ADD2: variants seen among roughly 807,000 people sequenced by gnomAD.
ADD2 encodes the protein adducin 2, also known as beta-adducin.
A neutral mutation model predicts 83.0 loss-of-function variants in ADD2; 23 were observed. The ratio of observed to expected loss-of-function variants is 0.28; its 90% confidence interval spans 0.20 to 0.39. The LOEUF is 0.39. Ranked by LOEUF, ADD2 falls within the 10% of genes least tolerant of loss-of-function variation. The probability of loss-of-function intolerance (pLI) is 1.00; values close to 1 mark genes in which losing one functional copy is unlikely to be tolerated. For missense variants in ADD2, 758 were observed against 944.9 expected, an observed-to-expected ratio of 0.80 and a Z score of 2.59; for synonymous variants, 375 against 375.4, an observed-to-expected ratio of 1.00 and a Z score of 0.01.
At chr2:70,731,561 G>A (rs62149818) in intron 1 of ADD2, among the ~76,000 whole-genome samples, 14,119 of 152,224 alleles carry the variant, frequency 0.093, 910 homozygotes, top group Non-Finnish European at 0.14. Context: ...CCAGCACCCA[G>A]AATAGCGTTA....
At chr2:70,753,062 G>A (rs1252842295) in intron 1 of ADD2, among the ~76,000 whole-genome samples, 8 of 152,210 alleles carry the variant, frequency 5.3e-5, no homozygotes, top group Non-Finnish European at 1.2e-4. Flanking sequence ...GGAAGACAAA[G>A]TGGTGCAGGG....
At chr2:70,758,686 G>A (rs1211638720) in intron 1 of ADD2, among the ~76,000 whole-genome samples, 9 of 152,278 alleles carry the variant, frequency 5.9e-5, no homozygotes, top group Admixed American at 6.5e-5. Flanking sequence ...TGTACTCCCA[G>A]CTACTTGGGA....
rs138570049 is a variant in ADD2 at position 70,765,391 on chromosome 2, G to C, written c.-154+2495C>G. ...ACATAAAAAATAAAAAAGAATTGTT[G>C]TGTTTTTATGTTCTGGCCATATAAT... On this transcript the variant is annotated intron_variant, in intron 1 of 15. Coordinates refer to ENST00000264436, the MANE Select transcript of ADD2 (RefSeq NM_001617.4). 9.3e-5 allele frequency among the ~76,000 whole-genome samples: 14 copies of C among 151,116 alleles called. No homozygotes were observed. In the East Asian group the frequency reaches 2.7e-3, roughly 29 times the overall value.
At chr2:70,722,538 T>G (rs1310898769) in intron 1 of ADD2, among the ~76,000 whole-genome samples, 1 of 152,214 alleles carries the variant, frequency 6.6e-6, no homozygotes, top group African/African-American at 2.4e-5. Flanking sequence ...AAATAGGCCA[T>G]GAGGGCCTTG....
rs546477961 is a variant in ADD2 at position 70,674,666 on chromosome 2, A to T, written c.1741+12T>A. 5 of 1,611,768 alleles carry T rather than the reference A, an allele frequency of 3.1e-6. No individual in the cohort carries two copies. The East Asian group carries it at 1.1e-4, about 36-fold the overall frequency. On this transcript the variant is annotated intron_variant, in intron 14 of 15. Transcript: ENST00000264436. ...GGACTTGGAAGCAAGGGTGTGCCTC[A>T]GGGTCATTTACCATCAAGTTCTAGT... is the stretch of plus-strand genomic sequence containing the variant.
In ADD2 at chr2:70,679,006, G is replaced by C. The variant is rs146573334; in HGVS notation, c.1126-45C>G. On this transcript the variant is annotated intron_variant, in intron 10 of 15. Transcript: ENST00000264436. The stretch of plus-strand genomic sequence containing the variant: ...AACCACTTATGGGGTGAGAAAAAAG[G>C]CCTGTACCTGCACATACATGCACAC... 1.4e-3 allele frequency: 2,132 copies of C among 1,548,004 alleles called. 19 individuals carry two copies. In the African/African-American group the frequency reaches 0.026, roughly 19 times the overall value.
At position 70,663,429 on chromosome 2, in the gene ADD2, G is replaced by A. The variant is rs1553365439; in HGVS notation, c.2177C>T (p.Ser726Phe). The change falls in exon 16 of 16, where the codon TCC (serine) becomes TTC (phenylalanine). Residue 726 changes from serine (S) to phenylalanine (F), a missense_variant. Around this residue, in one of 5 missense-constraint regions of ADD2, gnomAD observed 165 missense variants for 176.2 expected, o/e 0.94. Transcript: ENST00000264436. The stretch of plus-strand genomic sequence containing the variant: ...GGAGCCCAAGGGTGTCATGAATCAG[G>A]ACTCCACTTTCTCCTTCTTTTTGCT... ...KKSKKKEKVES is the reference protein window; with the variant it reads ...KKSKKKEKVEF 6 of 1,612,636 alleles carry A rather than the reference G, an allele frequency of 3.7e-6. No individual in the cohort carries two copies. In the Admixed American group the frequency reaches 8.4e-5, roughly 22 times the overall value.
chr2:70,704,265 C>CCCCCCCCCCCCCCCCCCCCCCCCCACA, intron 4 of ADD2, 56 bp downstream of exon 4: 1 of 442,438 alleles, frequency 2.3e-6, no homozygotes, highest in Non-Finnish European at 4.5e-6. Flanking sequence ...CCCTCTCTTC[C>CCCCCCCCCCCCCCCCCCCCCCCCCACA]CCACCCCACC....
intron 1 of ADD2, among the ~76,000 whole-genome samples, chr2:70,723,445 C>G (rs1553377730): frequency 3.3e-5 from 5 of 151,196 alleles, no homozygotes; most frequent in African/African-American, 1.2e-4. Context: ...AAGCACACAT[C>G]TGGGCTGACT....
rs1670983557 is a variant in ADD2, at chr2:70,690,728, T to G, written c.849+58A>C. 1.8e-5 allele frequency: 28 copies of G among 1,556,424 alleles called. No homozygotes were observed. The South Asian group carries it at 3.3e-4, about 19-fold the overall frequency. ...GTCCAATGAACATATGTCACTTTTGTGATGTTGGCTTTTGACAATGCCACT... is the reference window on the plus strand; with the variant it reads ...GTCCAATGAACATATGTCACTTTTGGGATGTTGGCTTTTGACAATGCCACT... On this transcript the variant is annotated intron_variant, in intron 8 of 15. Coordinates refer to ENST00000264436, the MANE Select transcript of ADD2 (RefSeq NM_001617.4).
intron 1 of ADD2, among the ~76,000 whole-genome samples, chr2:70,765,641 A>G (rs868955922): frequency 7.9e-4 from 120 of 152,386 alleles, no homozygotes; most frequent in African/African-American, 2.7e-3. Flanking sequence ...AAGTGTGTGA[A>G]TGAGTTTAAC....
At chr2:70,663,883 A>G in intron 15 of ADD2, 148 bp from the exon 16 acceptor site, 3 of 870,280 alleles carry the variant, frequency 3.4e-6, no homozygotes, top group Non-Finnish European at 5.2e-6. Flanking sequence ...TGGCTACCAG[A>G]GACAGATGGA....
chr2:70,721,602 A>C (rs1553377387), intron 1 of ADD2, among the ~76,000 whole-genome samples: 1 of 152,228 alleles, frequency 6.6e-6, no homozygotes, highest in African/African-American at 2.4e-5. Flanking sequence ...CCTTCAGGGA[A>C]AATAGCTTCC....
chr2:70,744,708 T>C (rs1049157349), intron 1 of ADD2, among the ~76,000 whole-genome samples: 1 of 152,108 alleles, frequency 6.6e-6, no homozygotes, highest in Non-Finnish European at 1.5e-5. Context: ...AAATGGAGGA[T>C]AGCAAGGTCC....
intron 1 of ADD2, among the ~76,000 whole-genome samples, chr2:70,749,333 G>A (rs1224662775): frequency 1.3e-5 from 2 of 152,136 alleles, no homozygotes; most frequent in Admixed American, 6.5e-5. Context: ...AGATTTGGGT[G>A]GGGACACAAA....
At chr2:70,732,122 G>T (rs72901695) in intron 1 of ADD2, among the ~76,000 whole-genome samples, 6,504 of 152,220 alleles carry the variant, frequency 0.043, 453 homozygotes, top group African/African-American at 0.15. Context: ...AGGCAGCAGG[G>T]GAGAACCCAG....
intron 12 of ADD2, 85 bp downstream of exon 12, chr2:70,677,673 A>C: frequency 1.3e-6 from 2 of 1,549,770 alleles, no homozygotes; most frequent in Non-Finnish European, 1.8e-6. Context: ...AGTCAGGCAC[A>C]TCCTGGGAAC....
chr2:70,704,855 T>G (rs1671805033), intron 3 of ADD2, among the ~76,000 whole-genome samples: 1 of 152,156 alleles, frequency 6.6e-6, no homozygotes, highest in Non-Finnish European at 1.5e-5. Context: ...TGTGATTCTT[T>G]CGGGCTTCAG....
intron 12 of ADD2, among the ~76,000 whole-genome samples, chr2:70,677,317 C>A (rs1670210811): frequency 6.6e-6 from 1 of 152,094 alleles, no homozygotes; most frequent in Admixed American, 6.5e-5. Flanking sequence ...TCCGGGTCCA[C>A]ACACTGCCAC....
Sources: gnomAD v4.1 joint callset for allele counts (sites outside exome capture counted in the v4.1 genomes callset) on GRCh38, gnomAD v4.1.1 for gene constraint, gnomAD v4.1.1 regional missense constraint, MANE v1.5 for transcripts, NCBI Gene and HGNC (gene_info 2026-07-23, HGNC 2026-07-21) for gene names.